The following GRM4 variants were observed in gnomAD, a reference collection of about 807,000 sequenced individuals.
GRM4 encodes metabotropic glutamate receptor 4.
Under a neutral mutation model 81.7 loss-of-function variants are expected in GRM4, and 28 were observed. The ratio of observed to expected loss-of-function variants is 0.34; its 90% CI spans 0.25 to 0.47. The LOEUF is 0.47. GRM4 is among the 20% of genes least tolerant of loss of function. The pLI, the probability that GRM4 is intolerant of heterozygous loss-of-function variation, is 1.00. For synonymous variants in GRM4, 488 were observed against 528.8 expected, an observed-to-expected ratio of 0.92 and a Z score of 1.06; for missense variants, 948 against 1,290.0, an observed-to-expected ratio of 0.73 and a Z score of 4.06.
Position 34,036,331 on chromosome 6 carries a change from G to A in GRM4, c.1779C>T (p.Phe593=), listed in dbSNP as rs997732018. ...WGSPWAVLPL[F]LAVVGIAATL... ...TGGCAGCGATGCCCACCACGGCCAG[G>A]AAGAGGGGCAGCACGGCCCAGGGCG... The change falls in exon 9 of 11, where the codon TTC becomes TTT. Residue 593 remains phenylalanine, a synonymous_variant. Coordinates refer to ENST00000538487, the MANE Select transcript of GRM4 (RefSeq NM_000841.4). The surrounding 1 kb of genome is among the most constrained non-coding windows in gnomAD (Gnocchi z 9.0). The A allele has an allele frequency of 6.2e-6, 10 of 1,613,948 alleles. No homozygotes were observed. The African/African-American group carries it at 1.2e-4, about 19-fold the overall frequency.
At chr6:34,102,408 G>A (rs751312113) in intron 2 of GRM4, among the ~76,000 whole-genome samples, 9 of 152,038 alleles carry the variant, frequency 5.9e-5, no homozygotes, top group Non-Finnish European at 1.2e-4. Context: ...ACTGTGCCTC[G>A]AACTCTCCAG....
At chr6:34,116,993 T>C (rs959932947) in intron 2 of GRM4, among the ~76,000 whole-genome samples, 2 of 152,218 alleles carry the variant, frequency 1.3e-5, no homozygotes, top group African/African-American at 4.8e-5. Context: ...AATCAGGCTA[T>C]TGATTATCCT....
chr6:34,035,559 T>TGAAAGAAGACAGAATGAGGCAA lies in GRM4; in HGVS notation c.2442+108_2442+109insTTGCCTCATTCTGTCTTCTTTC. The TGAAAGAAGACAGAATGAGGCAA allele has an allele frequency of 1.7e-6, 1 of 581,980 alleles. No homozygotes were observed. The highest frequency in any genetic ancestry group is 3.0e-6 in the Non-Finnish European group (1 of 338,128). The allele number at this position is 581,980 out of a possible 1,614,324, so 36.1% of individuals were successfully genotyped here. A position where few individuals can be genotyped will look rare whatever the true frequency, so the allele number is the denominator to read the frequency against. Reference sequence around the variant, plus strand: ...GCAAGAAAGAAGGCAGAATGAGGCATGAAAGAAGGCATTTCTGGAGCAGGG... The same window carrying TGAAAGAAGACAGAATGAGGCAA: ...GCAAGAAAGAAGGCAGAATGAGGCATGAAAGAAGACAGAATGAGGCAAGAAAGAAGGCATTTCTGGAGCAGGG... On this transcript the variant is annotated intron_variant, in intron 9 of 10. Coordinates refer to ENST00000538487, the MANE Select transcript of GRM4 (RefSeq NM_000841.4). The surrounding 1 kb of genome is among the most constrained non-coding windows in gnomAD (Gnocchi z 6.6).
At position 34,118,048 on chromosome 6, in the gene GRM4, T is replaced by C. The variant is rs143948552; in HGVS notation, c.519+14930A>G. Among the ~76,000 whole-genome samples, 434 of 152,272 alleles carry C rather than the reference T, an allele frequency of 2.9e-3. 2 individuals carry two copies. The highest frequency in any genetic ancestry group is 0.01 in the East Asian group (54 of 5,188). Reference sequence around the variant, plus strand: ...TGGACAAAAGCTGGCTACAGAACCATATAGATGCTGTGATCTCAATTTGGT... The same window carrying C: ...TGGACAAAAGCTGGCTACAGAACCACATAGATGCTGTGATCTCAATTTGGT... On this transcript the variant is annotated intron_variant, in intron 2 of 10. Coordinates refer to ENST00000538487, the MANE Select transcript of GRM4 (RefSeq NM_000841.4).
At chr6:34,149,980 GC>G (rs758264508), upstream of GRM4, among the ~76,000 whole-genome samples, 144 of 152,308 alleles carry the variant, frequency 9.5e-4, 1 homozygote, top group Non-Finnish European at 1.8e-3. Flanking sequence ...AGGAAGGCCA[GC>G]CCAAATTTGC....
In GRM4 at chr6:34,092,016, C is replaced by T. The variant is rs1188179816; in HGVS notation, c.603G>A (p.Ser201=). The change falls in exon 3 of 11, where the codon TCG becomes TCA. Residue 201 remains serine, a synonymous_variant. Transcript: ENST00000538487. This position sits in a 1 kb window ranked among gnomAD's most constrained non-coding sequence, Gnocchi z 6.8. The part of the protein sequence containing the change: ...RYDFFSRVVP[S]DTYQAQAMVD... ...CCATGGCCTGGGCCTGGTACGTGTC[C>T]GAGGGCACCACGCGGGAGAAGAAGT... The T allele has an allele frequency of 5.6e-6, 9 of 1,614,058 alleles. No individual in the cohort carries two copies. The highest frequency in any genetic ancestry group is 2.2e-5 in the East Asian group (1 of 44,876).
chr6:34,073,688 C>T lies in GRM4; in HGVS notation c.737-11660G>A, dbSNP rs79936934. On this transcript the variant is annotated intron_variant, in intron 3 of 10. Transcript: ENST00000538487. ...TGCCTGGTGGCTCTCACACAGTCACCGCACGTGAACAAAGCACCCCTCCAG... is the reference window on the plus strand; with the variant it reads ...TGCCTGGTGGCTCTCACACAGTCACTGCACGTGAACAAAGCACCCCTCCAG... Among the ~76,000 whole-genome samples the T allele has an allele frequency of 9.8e-3, 1,488 of 152,116 alleles. 12 individuals carry two copies. Among genetic ancestry groups the T allele is most frequent in the African/African-American group, 0.017 (689 of 41,498 alleles).
At position 34,053,935 on chromosome 6, in the gene GRM4, T is replaced by C. The variant is rs529287290; in HGVS notation, c.1168+2609A>G. On this transcript the variant is annotated intron_variant, in intron 6 of 10. Transcript: ENST00000538487. ...CCCTAAGGTTCTGATCTAGTTGGTC[T>C]GGGGGTGGCGCCCTGGTATGGTGTT... Among the ~76,000 whole-genome samples the C allele has an allele frequency of 2.6e-5, 4 of 152,328 alleles. No homozygotes were observed. In the East Asian group the frequency reaches 7.7e-4, roughly 29 times the overall value.
At chr6:34,137,737 T>C (rs112907093) in intron 1 of GRM4, among the ~76,000 whole-genome samples, 1,906 of 148,910 alleles carry the variant, frequency 0.013, 31 homozygotes, top group African/African-American at 0.038. Flanking sequence ...GAATGCGCCA[T>C]CATGCCCACA....
Position 34,151,173 on chromosome 6 carries a change from G to T in GRM4, c.312+3906C>A, listed in dbSNP as rs375777510. ...AGAGCCGAGAGACCTAGCTAAGGGG[G>T]AGTGGGATACACGGCCAGACTGAGC... is the stretch of plus-strand genomic sequence containing the variant. On this transcript the variant is annotated intron_variant, in intron 1 of 8. Coordinates refer to the GRM4 transcript ENST00000374177. Among the ~76,000 whole-genome samples the T allele has an allele frequency of 9.8e-5, 15 of 152,360 alleles. No homozygotes were observed. The East Asian group carries it at 1.5e-3, about 16-fold the overall frequency.
intron 8 of GRM4, among the ~76,000 whole-genome samples, chr6:34,038,398 G>A (rs555263505): frequency 6.6e-6 from 1 of 152,350 alleles, no homozygotes; most frequent in South Asian, 2.1e-4. Context: ...CAGAGGCATT[G>A]TGTTAACTTC....
At chr6:34,145,458 G>C (rs1770887425) in intron 1 of GRM4, among the ~76,000 whole-genome samples, 2 of 152,238 alleles carry the variant, frequency 1.3e-5, no homozygotes, top group Admixed American at 1.3e-4. Context: ...CGAGAGCTCC[G>C]GGCTGGGAAG....
At chr6:34,067,595 TTTCTTCC>T (rs1766551638) in intron 3 of GRM4, among the ~76,000 whole-genome samples, 2 of 109,790 alleles carry the variant, frequency 1.8e-5, no homozygotes, top group Admixed American at 9.4e-5. Context: ...CCTCCCTCCC[TTTCTTCC>T]TCCCTTCATG....
At chr6:34,122,661 C>T (rs1769858962) in intron 2 of GRM4, among the ~76,000 whole-genome samples, 1 of 152,070 alleles carries the variant, frequency 6.6e-6, no homozygotes, top group Non-Finnish European at 1.5e-5. Flanking sequence ...GGGGGTCCAC[C>T]CCTGCTGCGG....
chr6:34,127,933 A>G (rs964107346), intron 2 of GRM4, among the ~76,000 whole-genome samples: 1 of 152,142 alleles, frequency 6.6e-6, no homozygotes, highest in Non-Finnish European at 1.5e-5. Flanking sequence ...CCCCAGGGCC[A>G]CACCCATAGC....
In GRM4 at chr6:34,136,738, T is replaced by A. The variant is rs2127513758; in HGVS notation, c.-363-2879A>T. Reference sequence around the variant, plus strand: ...GAGACTTCCCTCCCACAGGACTGGGTCCCAGCCCCTGCCCACAGGTCCCTA... The same window carrying A: ...GAGACTTCCCTCCCACAGGACTGGGACCCAGCCCCTGCCCACAGGTCCCTA... On this transcript the variant is annotated intron_variant, in intron 1 of 10. Transcript: ENST00000538487. This position sits in a 1 kb window ranked among gnomAD's most constrained non-coding sequence, Gnocchi z 4.1. Among the ~76,000 whole-genome samples, 2 of 152,076 alleles carry A rather than the reference T, an allele frequency of 1.3e-5. No individual in the cohort carries two copies. The highest frequency in any genetic ancestry group is 3.9e-4 in the East Asian group (2 of 5,146).
intron 3 of GRM4, among the ~76,000 whole-genome samples, chr6:34,067,774 A>C (rs1454007648): frequency 6.6e-6 from 1 of 152,090 alleles, no homozygotes; most frequent in Non-Finnish European, 1.5e-5. Context: ...GCAGAAGCAC[A>C]AGGAGACAGT....
At chr6:34,056,266 G>A in intron 6 of GRM4, 1 of 461,156 alleles carries the variant, frequency 2.2e-6, no homozygotes, top group Middle Eastern at 6.0e-4. Context: ...GTTCAGTGCT[G>A]TGGGCTGGCC....
At chr6:34,083,837 C>G (rs1767738871) in intron 3 of GRM4, among the ~76,000 whole-genome samples, 1 of 152,192 alleles carries the variant, frequency 6.6e-6, no homozygotes, top group African/African-American at 2.4e-5. Flanking sequence ...CCTCAAACCC[C>G]CGCTCCCTGC....
Sources: gnomAD v4.1 joint callset for allele counts (sites outside exome capture counted in the v4.1 genomes callset) on GRCh38, gnomAD v4.1.1 for gene constraint, Gnocchi (gnomAD v3.1) non-coding constraint, MANE v1.5 for transcripts, NCBI Gene and HGNC (gene_info 2026-07-23, HGNC 2026-07-21) for gene names.